INSL6: variants seen among roughly 807,000 people sequenced by gnomAD.
The protein encoded by INSL6 is insulin like 6, also known as insulin-like peptide INSL6.
Under a neutral mutation model 9.4 loss-of-function variants are expected in INSL6, and 16 were observed. The ratio of observed to expected loss-of-function variants is 1.70; its 90% confidence interval spans 1.15 to 2.59. The LOEUF is 2.59. INSL6 is among the 30% of genes most tolerant of loss of function. The pLI is 0.00. For synonymous variants in INSL6, 154 were observed against 96.9 expected (o/e 1.59, Z -3.46); for missense variants, 391 against 257.3 (o/e 1.52, Z -3.56).
At chr9:5,142,569 C>T (rs1361164949) in intron 2 of INSL6, among the ~76,000 whole-genome samples, 2 of 152,212 alleles carry the variant, frequency 1.3e-5, no homozygotes, top group Admixed American at 1.3e-4. Context: ...TGAGGCTTTG[C>T]TGAAGCTGTT....
intron 1 of INSL6, 64 bp downstream of exon 1, chr9:5,185,250 G>A (rs1825541417): frequency 2.5e-6 from 4 of 1,602,818 alleles, no homozygotes; most frequent in African/African-American, 2.7e-5. Flanking sequence ...CCTTCTGGCA[G>A]AGCAAATGCA....
chr9:5,062,500 T>TAAAA, the INSL6 span, among the ~76,000 whole-genome samples: 136 of 58,214 alleles, frequency 2.3e-3, 16 homozygotes, highest in African/African-American at 0.011. Context: ...CTTCCATTTG[T>TAAAA]AAAAAAAAAA....
At chr9:5,049,513 C>A in the INSL6 span, among the ~76,000 whole-genome samples, 1 of 152,150 alleles carries the variant, frequency 6.6e-6, no homozygotes, top group Admixed American at 6.5e-5. Flanking sequence ...TTCCATGAAA[C>A]CCTCCTTGAT....
chr9:5,016,491 A>T, the INSL6 span, among the ~76,000 whole-genome samples: 1 of 152,220 alleles, frequency 6.6e-6, no homozygotes, highest in Non-Finnish European at 1.5e-5. Flanking sequence ...GTGCTAAGAA[A>T]AATAGTCAAC....
chr9:5,108,543 A>C, the INSL6 span: 1 of 151,888 alleles, frequency 6.6e-6, no homozygotes, highest in Admixed American at 6.6e-5. Context: ...AGTAAAAATA[A>C]CTCTATTCGG....
At chr9:5,098,368 C>T in the INSL6 span, 1 of 152,192 alleles carries the variant, frequency 6.6e-6, no homozygotes, top group Non-Finnish European at 1.5e-5. Flanking sequence ...ATTAGGCCTT[C>T]AAGACGCTAC....
the INSL6 span, among the ~76,000 whole-genome samples, chr9:5,039,652 A>T: frequency 6.6e-6 from 1 of 151,940 alleles, no homozygotes; most frequent in African/African-American, 2.4e-5. Flanking sequence ...GCAGAATAGA[A>T]GATCAATATA....
At chr9:5,060,334 G>T in the INSL6 span, among the ~76,000 whole-genome samples, 1,595 of 152,196 alleles carry the variant, frequency 0.01, 66 homozygotes, top group East Asian at 0.097. Context: ...TCTTCATTTC[G>T]TTAAAGTTGT....
chr9:5,111,433 GGTCCCGCCTGGTCTTCCATCCTCGGC>G, the INSL6 span: 1 of 395,738 alleles, frequency 2.5e-6, no homozygotes. Flanking sequence ...AGGTCGGGAA[GGTCCCGCCTGGTCTTCCATCCTCGGC>G]GTACCTGCCC....
At chr9:5,053,239 C>G in the INSL6 span, among the ~76,000 whole-genome samples, 1 of 152,014 alleles carries the variant, frequency 6.6e-6, no homozygotes. Context: ...TGTTTGGCAT[C>G]TTTTCATGTA....
the INSL6 span, chr9:5,084,912 C>T: frequency 2.1e-6 from 1 of 485,598 alleles, no homozygotes. Context: ...TTTTGGTTAT[C>T]TGCACATGAA....
At chr9:5,153,652 A>T (rs1285570021) in intron 2 of INSL6, among the ~76,000 whole-genome samples, 1 of 152,224 alleles carries the variant, frequency 6.6e-6, no homozygotes, top group Non-Finnish European at 1.5e-5. Flanking sequence ...ATCAATGTGC[A>T]AAAGTCACAA....
At chr9:5,065,068 T>A in the INSL6 span, 1 of 1,450,670 alleles carries the variant, frequency 6.9e-7, no homozygotes, top group Non-Finnish European at 9.3e-7. Flanking sequence ...AAAAGTAAAT[T>A]TTTAGAAAAG....
At chr9:5,048,291 G>A in the INSL6 span, among the ~76,000 whole-genome samples, 1 of 152,110 alleles carries the variant, frequency 6.6e-6, no homozygotes, top group Non-Finnish European at 1.5e-5. Context: ...ACAGGTGCCT[G>A]CCACTACGCC....
intron 2 of INSL6, among the ~76,000 whole-genome samples, chr9:5,139,443 G>A (rs1824447106): frequency 1.3e-5 from 2 of 152,122 alleles, no homozygotes; most frequent in African/African-American, 4.8e-5. Flanking sequence ...GAAAGTAAAT[G>A]AATTTTTAAA....
At chr9:5,142,653 G>C (rs1018122261) in intron 2 of INSL6, among the ~76,000 whole-genome samples, 1 of 152,208 alleles carries the variant, frequency 6.6e-6, no homozygotes, top group Non-Finnish European at 1.5e-5. Flanking sequence ...TACAAACAAA[G>C]ATAATCTGAC....
the INSL6 span, among the ~76,000 whole-genome samples, chr9:5,048,340 A>G: frequency 6.6e-6 from 1 of 151,890 alleles, no homozygotes; most frequent in Non-Finnish European, 1.5e-5. Flanking sequence ...ATGGGGTTTC[A>G]CTATGTTGGC....
the INSL6 span, chr9:5,044,663 G>T: frequency 3.9e-6 from 2 of 518,738 alleles, no homozygotes; most frequent in East Asian, 3.3e-5. Context: ...TAACAAAATT[G>T]AGTCTTTTAG....
At chr9:5,068,945 A>G in the INSL6 span, 1 of 790,888 alleles carries the variant, frequency 1.3e-6, no homozygotes, top group Non-Finnish European at 2.0e-6. Flanking sequence ...TGTTCTTGTG[A>G]TATCATTTTG....
Sources: allele counts gnomAD v4.1 joint callset (sites outside exome capture counted in the v4.1 genomes callset), GRCh38; gene constraint gnomAD v4.1.1; transcripts MANE v1.5; gene names NCBI Gene and HGNC (gene_info 2026-07-23, HGNC 2026-07-21).